The following PDE4D variants were observed in gnomAD, a reference collection of about 807,000 sequenced individuals.
PDE4D encodes 3',5'-cyclic-AMP phosphodiesterase 4D.
PDE4D carries 24 observed loss-of-function variants against 87.4 expected under a neutral mutation model. That is an observed-to-expected ratio of 0.27 (90% confidence interval 0.20 to 0.39). The LOEUF (loss-of-function observed/expected upper bound fraction) is 0.39. Among genes scored for constraint, PDE4D ranks in the 10% least tolerant of loss-of-function variants. PDE4D has a pLI of 1.00. For synonymous variants in PDE4D, 384 were observed against 383.2 expected, an observed-to-expected ratio of 1.00 and a Z score of -0.02; for missense variants, 714 against 1,041.0, an observed-to-expected ratio of 0.69 and a Z score of 4.32.
chr5:59,753,004 C>T (rs1196979120), intron 1 of PDE4D, among the ~76,000 whole-genome samples: 1 of 152,128 alleles, frequency 6.6e-6, no homozygotes, highest in Non-Finnish European at 1.5e-5. Flanking sequence ...TGCTAATGTC[C>T]ATTTGTATAT....
At chr5:60,148,421 T>A (rs2910839) in intron 2 of PDE4D, among the ~76,000 whole-genome samples, 22,242 of 152,168 alleles carry the variant, frequency 0.15, 1,695 homozygotes, top group Middle Eastern at 0.22. Flanking sequence ...ATTAGCAGTA[T>A]TCTAGAGATA....
chr5:60,124,401 C>T (rs1034269062), intron 2 of PDE4D, among the ~76,000 whole-genome samples: 2 of 152,096 alleles, frequency 1.3e-5, no homozygotes, highest in Non-Finnish European at 2.9e-5. Context: ...TCACAACTCT[C>T]CTTAAATTTT....
intron 1 of PDE4D, among the ~76,000 whole-genome samples, chr5:59,729,598 T>C (rs1172275552): frequency 2.6e-5 from 4 of 152,046 alleles, no homozygotes; most frequent in South Asian, 4.1e-4. Context: ...GTTTTACTAG[T>C]GGAACCACTA....
At chr5:59,759,309 T>C (rs752616182) in intron 1 of PDE4D, among the ~76,000 whole-genome samples, 1 of 152,162 alleles carries the variant, frequency 6.6e-6, no homozygotes, top group Non-Finnish European at 1.5e-5. Flanking sequence ...TTTCTTCTTA[T>C]CAACATTTCT....
chr5:59,775,145 C>T (rs1763953289), intron 1 of PDE4D, among the ~76,000 whole-genome samples: 1 of 152,030 alleles, frequency 6.6e-6, no homozygotes, highest in Non-Finnish European at 1.5e-5. Flanking sequence ...AAGGAAACCC[C>T]AGAATGCCCT....
intron 1 of PDE4D, among the ~76,000 whole-genome samples, chr5:60,445,091 A>C (rs904626941): frequency 6.6e-6 from 1 of 152,218 alleles, no homozygotes; most frequent in Non-Finnish European, 1.5e-5. Context: ...GTGTTTTAGA[A>C]CAACAATTCA....
intron 1 of PDE4D, among the ~76,000 whole-genome samples, chr5:59,222,629 G>T (rs979039187): frequency 3.9e-5 from 6 of 152,156 alleles, no homozygotes; most frequent in African/African-American, 1.4e-4. Flanking sequence ...CCATCTGAAA[G>T]CTGCCTTTTT....
At chr5:60,242,606 CA>C (rs1290200834) in intron 1 of PDE4D, among the ~76,000 whole-genome samples, 1 of 151,898 alleles carries the variant, frequency 6.6e-6, no homozygotes, top group Non-Finnish European at 1.5e-5. Flanking sequence ...TTAAAACATT[CA>C]AAAAATTTGA....
rs1398364856 is a variant in PDE4D, at chr5:58,974,904, T to C, written c.2190A>G (p.Gln730=). 4 of 1,612,672 alleles carry C rather than the reference T, an allele frequency of 2.5e-6. No homozygotes were observed. The highest frequency in any genetic ancestry group is 2.2e-5 in the East Asian group (1 of 44,866). Residue 730 remains glutamine, a synonymous_variant, in exon 15 of 15, where the codon CAA becomes CAG. Transcript: ENST00000340635. ...PDDPEEGRQG[Q]TEKFQFELTL... is the part of the protein sequence containing the mutation. ...TTAGTTCAAACTGGAATTTCTCAGTTTGACCCTGCCGGCCCTCCTCTGGGT... is the reference window on the plus strand; with the variant it reads ...TTAGTTCAAACTGGAATTTCTCAGTCTGACCCTGCCGGCCCTCCTCTGGGT...
chr5:59,655,126 T>A (rs1316840334), intron 1 of PDE4D, among the ~76,000 whole-genome samples: 1 of 152,146 alleles, frequency 6.6e-6, no homozygotes, highest in African/African-American at 2.4e-5. Context: ...TATGTTTTTT[T>A]TCAACCATTG....
intron 1 of PDE4D, among the ~76,000 whole-genome samples, chr5:60,431,758 A>G (rs1744334440): frequency 2.0e-5 from 3 of 152,324 alleles, no homozygotes; most frequent in Admixed American, 2.0e-4. Flanking sequence ...CCGAGATCAC[A>G]CCGCTGCACT....
At chr5:59,300,102 GGTCT>G (rs1294112858) in intron 1 of PDE4D, among the ~76,000 whole-genome samples, 1 of 109,660 alleles carries the variant, frequency 9.1e-6, no homozygotes, top group Non-Finnish European at 1.9e-5. Flanking sequence ...ACAGAAAAAG[GGTCT>G]GTCTCAAAAA....
At chr5:59,995,632 C>T (rs537682640) in intron 2 of PDE4D, among the ~76,000 whole-genome samples, 5 of 152,122 alleles carry the variant, frequency 3.3e-5, no homozygotes, top group African/African-American at 1.2e-4. Context: ...TTTTTCTTTT[C>T]AATCTGCCTA....
chr5:59,191,770 C>T (rs1219551147), intron 3 of PDE4D, among the ~76,000 whole-genome samples: 2 of 152,078 alleles, frequency 1.3e-5, no homozygotes, highest in Non-Finnish European at 2.9e-5. Context: ...AGGGTTTCAT[C>T]AAGTTGGCCA....
intron 1 of PDE4D, among the ~76,000 whole-genome samples, chr5:59,843,232 C>T (rs1025636491): frequency 5.3e-5 from 8 of 151,904 alleles, no homozygotes; most frequent in African/African-American, 9.7e-5. Context: ...TTTTAAAATA[C>T]GTATTTCAAG....
chr5:59,330,409 A>T (rs371569654), intron 1 of PDE4D, among the ~76,000 whole-genome samples: 23 of 152,084 alleles, frequency 1.5e-4, no homozygotes, highest in African/African-American at 5.6e-4. Context: ...TCTTGGTGGC[A>T]TTCTCCCCAC....
intron 1 of PDE4D, among the ~76,000 whole-genome samples, chr5:59,754,823 T>G (rs1008352431): frequency 7.1e-6 from 1 of 140,526 alleles, no homozygotes; most frequent in African/African-American, 2.7e-5. Context: ...TTTTTTTTTT[T>G]TTGCATCTGT....
intron 2 of PDE4D, among the ~76,000 whole-genome samples, chr5:59,199,521 T>C (rs1746250250): frequency 1.3e-5 from 2 of 152,166 alleles, no homozygotes; most frequent in Admixed American, 1.3e-4. Context: ...AAATAATATT[T>C]TTGAAATATA....
chr5:59,187,953 C>T (rs1461707791), intron 3 of PDE4D, among the ~76,000 whole-genome samples: 1 of 152,092 alleles, frequency 6.6e-6, no homozygotes, highest in Non-Finnish European at 1.5e-5. Flanking sequence ...GTCGTCATCA[C>T]TGTTATCACT....
Sources: allele counts gnomAD v4.1 joint callset (sites outside exome capture counted in the v4.1 genomes callset), GRCh38; gene constraint gnomAD v4.1.1; transcripts MANE v1.5; gene names NCBI Gene and HGNC (gene_info 2026-07-23, HGNC 2026-07-21).